Variants in FAF1 observed in about 807,000 individuals in gnomAD.
The protein encoded by FAF1 is FAS-associated factor 1.
In FAF1, 25 loss-of-function variants were observed where a neutral mutation model predicts 92.5. That is an observed-to-expected ratio of 0.27 (90% CI 0.20 to 0.38). FAF1 has a LOEUF of 0.38. FAF1 is among the 10% of genes least tolerant of loss of function. The probability of loss-of-function intolerance (pLI) is 1.00; values close to 1 mark genes in which losing one functional copy is unlikely to be tolerated. For synonymous variants in FAF1, 234 were observed against 273.2 expected (o/e 0.86, Z 1.42); for missense variants, 636 against 793.3 (o/e 0.80, Z 2.38).
chr1:50,631,342 C>A (rs1023697516), intron 8 of FAF1, among the ~76,000 whole-genome samples: 1 of 152,196 alleles, frequency 6.6e-6, no homozygotes, highest in Non-Finnish European at 1.5e-5. Flanking sequence ...CCAGCCAGAT[C>A]TGTCCCCATC....
intron 4 of FAF1, among the ~76,000 whole-genome samples, chr1:50,765,671 A>G (rs1473402194): frequency 6.6e-6 from 1 of 152,248 alleles, no homozygotes; most frequent in Non-Finnish European, 1.5e-5. Flanking sequence ...GAGCCAAATT[A>G]CAGGCCCTCT....
At chr1:50,729,056 ATATTTT>A (rs1297273301) in intron 6 of FAF1, among the ~76,000 whole-genome samples, 1 of 105,812 alleles carries the variant, frequency 9.5e-6, no homozygotes, top group African/African-American at 4.5e-5. Flanking sequence ...ATATATATAT[ATATTTT>A]TTTTTTTTTT....
chr1:50,618,088 T>A (rs1189516926), intron 8 of FAF1, among the ~76,000 whole-genome samples: 1 of 152,158 alleles, frequency 6.6e-6, no homozygotes, highest in East Asian at 1.9e-4. Context: ...ATCTTGCTTA[T>A]TTTTTCGAAG....
chr1:50,628,595 C>T (rs917139468), intron 8 of FAF1, among the ~76,000 whole-genome samples: 7 of 152,156 alleles, frequency 4.6e-5, no homozygotes, highest in African/African-American at 7.2e-5. Flanking sequence ...ATACCTTCTC[C>T]TTCTTGGATG....
intron 6 of FAF1, among the ~76,000 whole-genome samples, chr1:50,726,512 C>T (rs1020130657): frequency 3.9e-5 from 6 of 151,988 alleles, no homozygotes; most frequent in Middle Eastern, 3.4e-3. Flanking sequence ...CTGGCTAACA[C>T]GGTGAAACCC....
intron 1 of FAF1, among the ~76,000 whole-genome samples, chr1:50,877,880 C>T (rs1173606008): frequency 6.6e-6 from 1 of 152,126 alleles, no homozygotes; most frequent in Non-Finnish European, 1.5e-5. Flanking sequence ...GTACTTGCTG[C>T]AAGAATTATT....
chr1:50,708,030 G>C (rs571633611), intron 6 of FAF1, among the ~76,000 whole-genome samples: 2 of 152,320 alleles, frequency 1.3e-5, no homozygotes, highest in African/African-American at 4.8e-5. Flanking sequence ...CACTGGTCTT[G>C]AACTCCTGAC....
At chr1:50,503,377 T>G (rs1213997091) in intron 15 of FAF1, among the ~76,000 whole-genome samples, 1 of 152,044 alleles carries the variant, frequency 6.6e-6, no homozygotes, top group Non-Finnish European at 1.5e-5. Context: ...TCTCAGCACT[T>G]TGGGAGGCAA....
At chr1:50,525,382 T>C (rs551764690) in intron 15 of FAF1, among the ~76,000 whole-genome samples, 1 of 152,346 alleles carries the variant, frequency 6.6e-6, no homozygotes, top group Admixed American at 6.5e-5. Flanking sequence ...TGTACAGAGA[T>C]ACAATAGATT....
At chr1:50,746,304 T>A (rs1167235525) in intron 4 of FAF1, among the ~76,000 whole-genome samples, 3 of 92,044 alleles carry the variant, frequency 3.3e-5, no homozygotes, top group East Asian at 6.1e-4. Flanking sequence ...TTTTTTTTTT[T>A]TTTTTTTTTT....
At chr1:50,943,724 C>CGACCACCGAGA (rs1645152529) in intron 1 of FAF1, among the ~76,000 whole-genome samples, 2 of 148,454 alleles carry the variant, frequency 1.3e-5, no homozygotes, top group Admixed American at 6.7e-5. Flanking sequence ...TTTTAGAGAG[C>CGACCACCGAGA]TCTACACAGT....
At chr1:50,623,507 C>T (rs573073565) in intron 8 of FAF1, among the ~76,000 whole-genome samples, 1 of 149,554 alleles carries the variant, frequency 6.7e-6, no homozygotes, top group Non-Finnish European at 1.5e-5. Flanking sequence ...AGGTGGAGGG[C>T]AAGTTGCAGT....
At chr1:50,851,550 C>CA (rs1038609846) in intron 2 of FAF1, among the ~76,000 whole-genome samples, 1 of 152,092 alleles carries the variant, frequency 6.6e-6, no homozygotes, top group Non-Finnish European at 1.5e-5. Context: ...TACTAGATAT[C>CA]AAAAAACAGT....
intron 1 of FAF1, among the ~76,000 whole-genome samples, chr1:50,902,628 G>C (rs1644805484): frequency 6.6e-6 from 1 of 152,074 alleles, no homozygotes; most frequent in African/African-American, 2.4e-5. Flanking sequence ...ATTGGTTCCA[G>C]TACCCCTCCC....
chr1:50,804,425 A>G (rs1428475227), intron 2 of FAF1, among the ~76,000 whole-genome samples: 1 of 152,190 alleles, frequency 6.6e-6, no homozygotes, highest in East Asian at 1.9e-4. Flanking sequence ...AACAAAACAA[A>G]TAAAAATAAA....
chr1:50,852,877 G>C lies in FAF1; in HGVS notation c.114+5052C>G, dbSNP rs1463618157. 2.0e-5 allele frequency among the ~76,000 whole-genome samples: 3 copies of C among 152,136 alleles called. No homozygotes were observed. In the East Asian group the frequency reaches 5.8e-4, roughly 29 times the overall value. ...ATTAAAGAAGAGACAATAGAAGATG[G>C]AATGGTTGTCAGGTTAAAAAACAGA... On this transcript the variant is annotated intron_variant, in intron 2 of 18. Coordinates refer to ENST00000396153, the MANE Select transcript of FAF1 (RefSeq NM_007051.3).
chr1:50,842,258 A>G (rs1045470368), intron 2 of FAF1, among the ~76,000 whole-genome samples: 7 of 152,088 alleles, frequency 4.6e-5, no homozygotes, highest in African/African-American at 7.2e-5. Context: ...TCCTAGGTTG[A>G]TGCAGCCCAA....
chr1:50,826,321 C>A (rs141854245), intron 2 of FAF1, among the ~76,000 whole-genome samples: 1 of 152,182 alleles, frequency 6.6e-6, no homozygotes, highest in African/African-American at 2.4e-5. Flanking sequence ...GAGGCTGAAG[C>A]GGGTGGATCA....
Position 50,548,821 on chromosome 1 carries a change from T to C in FAF1, c.1269-9093A>G, listed in dbSNP as rs548004141. 7.9e-5 allele frequency among the ~76,000 whole-genome samples: 12 copies of C among 152,378 alleles called. No individual in the cohort carries two copies. In the South Asian group the frequency reaches 2.5e-3, roughly 32 times the overall value. ...AATTGCTGCAAGCAGCATAGTATTG[T>C]GGGAAGAACAAAGACTATGGAGTCG... On this transcript the variant is annotated intron_variant, in intron 13 of 18. Transcript: ENST00000396153.
Sources: gnomAD v4.1 joint callset for allele counts (sites outside exome capture counted in the v4.1 genomes callset) on GRCh38, gnomAD v4.1.1 for gene constraint, MANE v1.5 for transcripts, NCBI Gene and HGNC (gene_info 2026-07-23, HGNC 2026-07-21) for gene names.